Variants in FBXO16 observed in about 807,000 individuals in gnomAD.
FBXO16 encodes F-box only protein 16.
FBXO16 carries 31 observed loss-of-function variants against 41.0 expected under a neutral mutation model. The ratio of observed to expected loss-of-function variants is 0.76; its 90% CI spans 0.57 to 1.02. The LOEUF (loss-of-function observed/expected upper bound fraction) is 1.02, where lower values mean the gene tolerates loss of function less well. Among genes scored for constraint, FBXO16 ranks in the 50% least tolerant of loss-of-function variants. The pLI, the probability that FBXO16 is intolerant of heterozygous loss-of-function variation, is 0.00. For synonymous variants in FBXO16, 133 were observed against 117.8 expected (o/e 1.13, Z -0.84); for missense variants, 361 against 346.2 (o/e 1.04, Z -0.34).
intron 3 of FBXO16, among the ~76,000 whole-genome samples, chr8:28,470,852 G>C (rs1803323412): frequency 6.6e-6 from 1 of 152,144 alleles, no homozygotes; most frequent in South Asian, 2.1e-4. Flanking sequence ...TTGCTATCAT[G>C]CAATTTGCAA....
At position 28,440,036 on chromosome 8, in the gene FBXO16, G is replaced by A. The variant is rs113596947; in HGVS notation, c.843+7135C>T. 1.2e-3 allele frequency among the ~76,000 whole-genome samples: 26 copies of A among 21,448 alleles called. No individual in the cohort carries two copies. The South Asian group carries it at 0.081, about 67-fold the overall frequency. 14.1% of individuals were successfully genotyped at this position (21,448 alleles called of 152,430 possible). The stretch of plus-strand genomic sequence containing the variant: ...ATTACAGCTGTGTTCTTCAGGCATC[G>A]GGGAGAAAGGGGTGTGAATGCTTAG... On this transcript the variant is annotated intron_variant, in intron 7 of 8. Transcript: ENST00000380254.
At chr8:28,447,841 C>G (rs189425520) in intron 6 of FBXO16, among the ~76,000 whole-genome samples, 1 of 152,122 alleles carries the variant, frequency 6.6e-6, no homozygotes, top group Non-Finnish European at 1.5e-5. Flanking sequence ...GTAGTCCCAG[C>G]TACTTGGGAG....
chr8:28,480,625 TCCC>T (rs1803495691), intron 2 of FBXO16, among the ~76,000 whole-genome samples: 1 of 152,134 alleles, frequency 6.6e-6, no homozygotes, highest in Admixed American at 6.5e-5. Flanking sequence ...TGCCTCAGCC[TCCC>T]GAGAAGCTGG....
At chr8:28,490,089 T>C (rs1010434010) in intron 1 of FBXO16, 97 bp downstream of exon 1, 2 of 152,176 alleles carry the variant, frequency 1.3e-5, no homozygotes, top group African/African-American at 4.8e-5. Flanking sequence ...GAGGGCACAA[T>C]GAAATCCCCA....
intron 3 of FBXO16, among the ~76,000 whole-genome samples, chr8:28,466,731 G>A (rs952144519): frequency 1.3e-5 from 2 of 152,126 alleles, no homozygotes; most frequent in African/African-American, 4.8e-5. Flanking sequence ...CCAAAAGGAA[G>A]GTGAGAGGCG....
rs985185190 is a variant in FBXO16 at position 28,489,299 on chromosome 8, G to A, written c.-17+887C>T. Among the ~76,000 whole-genome samples the A allele has an allele frequency of 2.0e-5, 3 of 151,864 alleles. No individual in the cohort carries two copies. In the East Asian group the frequency reaches 5.8e-4, roughly 29 times the overall value. On this transcript the variant is annotated intron_variant, in intron 1 of 8. Coordinates refer to ENST00000380254, the MANE Select transcript of FBXO16 (RefSeq NM_172366.4). Reference sequence around the variant, plus strand: ...AGAGGTTGCAGTGAGCCAAGATCATGCCACTGCACTCCAGCCTGGGGGACA... The same window carrying A: ...AGAGGTTGCAGTGAGCCAAGATCATACCACTGCACTCCAGCCTGGGGGACA...
chr8:28,482,663 T>C (rs1469120332), intron 2 of FBXO16, among the ~76,000 whole-genome samples: 2 of 152,032 alleles, frequency 1.3e-5, no homozygotes, highest in Admixed American at 6.5e-5. Flanking sequence ...CTCCGCCTCC[T>C]GGGTTCAAGC....
At chr8:28,440,179 T>C (rs1445340897) in intron 7 of FBXO16, among the ~76,000 whole-genome samples, 3 of 152,102 alleles carry the variant, frequency 2.0e-5, no homozygotes, top group East Asian at 1.9e-4. Context: ...CATGGCTCAC[T>C]GCCCCCTTAA....
intron 2 of FBXO16, among the ~76,000 whole-genome samples, chr8:28,474,352 AAGAG>A (rs1554528220): frequency 7.8e-6 from 1 of 127,918 alleles, no homozygotes; most frequent in African/African-American, 3.0e-5. Context: ...AAAAAAAAAA[AAGAG>A]AGAGAAAGAA....
chr8:28,439,131 A>G (rs117618802), intron 7 of FBXO16, among the ~76,000 whole-genome samples: 3,854 of 151,918 alleles, frequency 0.025, 77 homozygotes, highest in Middle Eastern at 0.045. Flanking sequence ...AAAAGAAAAT[A>G]GAAAAATAAT....
At position 28,428,667 on chromosome 8, in the gene FBXO16, C is replaced by T; in HGVS notation, c.*60G>A. On this transcript the variant is annotated 3_prime_UTR_variant, in exon 9 of 9. Coordinates refer to ENST00000380254, the MANE Select transcript of FBXO16 (RefSeq NM_172366.4). ...GCTGTGGTGGCAGTGTCTGGGAGTC[C>T]CACTGACTCAGGGGGAGGCCAGGCG... The T allele has an allele frequency of 6.4e-7, 1 of 1,567,962 alleles. No homozygotes were observed.
intron 2 of FBXO16, among the ~76,000 whole-genome samples, chr8:28,474,219 G>A (rs1394350978): frequency 2.0e-5 from 3 of 149,140 alleles, no homozygotes; most frequent in African/African-American, 4.9e-5. Context: ...AGCTGAGGCT[G>A]AAGTGGGAGG....
intron 3 of FBXO16, among the ~76,000 whole-genome samples, 162 bp downstream of exon 3, chr8:28,473,610 G>A (rs556624086): frequency 2.7e-4 from 41 of 152,246 alleles, no homozygotes; most frequent in African/African-American, 4.6e-4. Context: ...CTAAGCCTCC[G>A]GAACCATGAA....
intron 5 of FBXO16, chr8:28,455,861 A>AATC (rs1298611383): frequency 6.6e-6 from 1 of 152,200 alleles, no homozygotes; most frequent in African/African-American, 2.4e-5. Context: ...GTGTAGGTGG[A>AATC]ATCTATTTCA....
rs780120025 is a variant in FBXO16, at chr8:28,456,784, A to T, written c.489T>A (p.Leu163=). The T allele has an allele frequency of 6.2e-7, 1 of 1,614,012 alleles. No homozygotes were observed. The highest frequency in any genetic ancestry group is 2.2e-5 in the East Asian group (1 of 44,882). The change falls in exon 5 of 9, where the codon CTT becomes CTA. Residue 163 remains leucine, a synonymous_variant. Coordinates refer to ENST00000380254, the MANE Select transcript of FBXO16 (RefSeq NM_172366.4). The part of the protein sequence containing the change: ...KKHYIQMVKE[L]HITKPKTPPK... ...AATTCACCTTAGGCTTGGTAATATG[A>T]AGTTCTTTCACCATTTGAATATAGT...
chr8:28,443,835 A>G (rs186504922), intron 7 of FBXO16, among the ~76,000 whole-genome samples: 2 of 152,336 alleles, frequency 1.3e-5, no homozygotes, highest in East Asian at 3.9e-4. Flanking sequence ...ACTCACTGCT[A>G]CACTCCGATT....
intron 3 of FBXO16, among the ~76,000 whole-genome samples, chr8:28,469,902 A>AAATAAT (rs1341561506): frequency 3.4e-5 from 5 of 147,848 alleles, no homozygotes; most frequent in Non-Finnish European, 6.0e-5. Flanking sequence ...CTCCGTCTCA[A>AAATAAT]AATAATAATA....
Position 28,463,802 on chromosome 8 carries a change from T to C in FBXO16, c.152A>G (p.Asp51Gly). 1 of 1,613,726 alleles carries C rather than the reference T, an allele frequency of 6.2e-7. No homozygotes were observed. The change falls in exon 4 of 9, where the codon GAC becomes GGC. Residue 51 changes from aspartate (D) to glycine (G), a missense_variant. Physicochemically the swap from Asp to Gly is moderately conservative, Grantham distance 94. Transcript: ENST00000380254. ...TGTGAGGATTCTTCTTCTTTGAGAG[T>C]CTGTCCATTTGTCAAACTGGAAACA... is the stretch of plus-strand genomic sequence containing the variant. ...LLGKWFDKWT[D>G]SQRRRILTGL...
chr8:28,440,889 T>G (rs1802761828), intron 7 of FBXO16, among the ~76,000 whole-genome samples: 1 of 152,166 alleles, frequency 6.6e-6, no homozygotes, highest in African/African-American at 2.4e-5. Flanking sequence ...TATTTGTGTT[T>G]ATACTTGATA....
Sources: gnomAD v4.1 joint callset for allele counts (sites outside exome capture counted in the v4.1 genomes callset) on GRCh38, gnomAD v4.1.1 for gene constraint, MANE v1.5 for transcripts, NCBI Gene and HGNC (gene_info 2026-07-23, HGNC 2026-07-21) for gene names.